The following PCDH15 variants were observed in gnomAD, a reference collection of about 807,000 sequenced individuals.
The protein encoded by PCDH15 is protocadherin-15.
A neutral mutation model predicts 178.5 loss-of-function variants in PCDH15; 129 were observed. The observed-to-expected ratio is 0.72, with a 90% confidence interval of 0.63 to 0.84. PCDH15 has a LOEUF of 0.84. PCDH15 is among the 40% of genes least tolerant of loss of function. The pLI is 0.00. For missense variants in PCDH15, 2,230 were observed against 2,099.9 expected (o/e 1.06, Z -1.21); for synonymous variants, 800 against 732.0 (o/e 1.09, Z -1.50).
chr10:55,555,277 G>A (rs1842068978), intron 2 of PCDH15, among the ~76,000 whole-genome samples: 1 of 151,954 alleles, frequency 6.6e-6, no homozygotes, highest in Non-Finnish European at 1.5e-5. Context: ...ATGAAAAAAT[G>A]GGCTCTTCAA....
At chr10:55,140,565 T>G (rs989708605) in intron 2 of PCDH15, among the ~76,000 whole-genome samples, 1 of 152,002 alleles carries the variant, frequency 6.6e-6, no homozygotes, top group African/African-American at 2.4e-5. Flanking sequence ...TAAGAAGTTT[T>G]ATTATTTTTT....
intron 1 of PCDH15, among the ~76,000 whole-genome samples, chr10:55,305,353 G>A (rs1843393708): frequency 6.6e-6 from 1 of 152,218 alleles, no homozygotes; most frequent in South Asian, 2.1e-4. Context: ...CAGAAGCAGA[G>A]ATGAAATGTT....
At chr10:53,922,162 C>A (rs936503146) in intron 25 of PCDH15, among the ~76,000 whole-genome samples, 5 of 152,078 alleles carry the variant, frequency 3.3e-5, no homozygotes, top group South Asian at 2.1e-4. Flanking sequence ...ATGTCACAAC[C>A]TACAATCCCT....
At chr10:55,238,145 C>CTTTTTTTTTTTTTTTT (rs758000610) in intron 1 of PCDH15, among the ~76,000 whole-genome samples, 1 of 124,460 alleles carries the variant, frequency 8.0e-6, no homozygotes, top group Non-Finnish European at 1.7e-5. Context: ...TTCATATTTT[C>CTTTTTTTTTTTTTTTT]TTTTTTTTTT....
intron 1 of PCDH15, among the ~76,000 whole-genome samples, chr10:54,714,266 A>G (rs1006169226): frequency 6.6e-6 from 1 of 152,092 alleles, no homozygotes. Context: ...GGTGTCTCTA[A>G]ACAGCTCCAC....
chr10:54,054,240 G>A (rs913915052), intron 18 of PCDH15, among the ~76,000 whole-genome samples: 44 of 152,152 alleles, frequency 2.9e-4, no homozygotes, highest in Admixed American at 1.1e-3. Context: ...TAAAGCTGTC[G>A]GCTTTAATGT....
chr10:54,826,252 G>C (rs1953130621), intron 3 of PCDH15, among the ~76,000 whole-genome samples: 1 of 151,864 alleles, frequency 6.6e-6, no homozygotes, highest in Non-Finnish European at 1.5e-5. Context: ...AATCCAATCA[G>C]TCTGTAGGTC....
At chr10:55,002,196 TA>T (rs1366917707) in intron 2 of PCDH15, among the ~76,000 whole-genome samples, 2 of 152,234 alleles carry the variant, frequency 1.3e-5, no homozygotes, top group African/African-American at 2.4e-5. Flanking sequence ...TTTCGCTGCA[TA>T]GTCTTAAAGT....
intron 20 of PCDH15, among the ~76,000 whole-genome samples, chr10:54,003,736 C>CAAAAAAAAA (rs55871741): frequency 1.3e-5 from 1 of 76,206 alleles, no homozygotes; most frequent in Non-Finnish European, 2.4e-5. Context: ...CAAACTATTC[C>CAAAAAAAAA]AAAAAAAAAA....
chr10:55,424,328 A>G (rs757809125), intron 2 of PCDH15, among the ~76,000 whole-genome samples: 10 of 152,076 alleles, frequency 6.6e-5, no homozygotes, highest in Non-Finnish European at 1.3e-4. Flanking sequence ...ATGAGACCCT[A>G]CTTGGCTTAT....
chr10:53,875,043 C>CA (rs969964409), intron 26 of PCDH15, among the ~76,000 whole-genome samples: 57 of 142,106 alleles, frequency 4.0e-4, no homozygotes, highest in East Asian at 8.1e-4. Context: ...TGAACAACCT[C>CA]AAAAAAAAAA....
intron 1 of PCDH15, among the ~76,000 whole-genome samples, chr10:55,175,676 AAAG>A (rs1245543731): frequency 5.3e-5 from 8 of 150,080 alleles, no homozygotes; most frequent in South Asian, 2.1e-4. Context: ...AAAAAAAAAA[AAAG>A]AAAAAGAAAA....
intron 23 of PCDH15, among the ~76,000 whole-genome samples, chr10:53,945,675 T>G (rs943271270): frequency 1.3e-5 from 2 of 151,674 alleles, no homozygotes; most frequent in Non-Finnish European, 2.9e-5. Context: ...GAACATGCAG[T>G]TTTTTTCTCT....
intron 28 of PCDH15, among the ~76,000 whole-genome samples, chr10:53,841,537 A>G (rs1425749175): frequency 6.6e-6 from 1 of 152,220 alleles, no homozygotes; most frequent in Admixed American, 6.5e-5. Flanking sequence ...TTATTAGAAC[A>G]ATGAGGTTAC....
intron 2 of PCDH15, among the ~76,000 whole-genome samples, chr10:54,583,714 T>G (rs2133828545): frequency 6.6e-6 from 1 of 152,268 alleles, no homozygotes; most frequent in East Asian, 1.9e-4. Flanking sequence ...AAACCTCATT[T>G]ACAAGTCTTA....
chr10:55,387,240 T>A (rs1260139679), intron 2 of PCDH15, among the ~76,000 whole-genome samples: 1 of 152,040 alleles, frequency 6.6e-6, no homozygotes, highest in Non-Finnish European at 1.5e-5. Flanking sequence ...TGGTTTTAAA[T>A]CACATTCCAG....
At chr10:55,050,722 T>A (rs1841141342) in intron 2 of PCDH15, among the ~76,000 whole-genome samples, 2 of 152,078 alleles carry the variant, frequency 1.3e-5, no homozygotes, top group South Asian at 4.1e-4. Context: ...CTTTTATATA[T>A]TGCCAAAAGG....
At chr10:54,862,164 A>T (rs546375510) in intron 3 of PCDH15, among the ~76,000 whole-genome samples, 5 of 152,204 alleles carry the variant, frequency 3.3e-5, no homozygotes, top group Non-Finnish European at 5.9e-5. Context: ...TTTTGTAGGA[A>T]TATAAGATTT....
At chr10:53,824,698 T>C (rs2076555800) in intron 32 of PCDH15, among the ~76,000 whole-genome samples, 2 of 152,136 alleles carry the variant, frequency 1.3e-5, no homozygotes, top group African/African-American at 4.8e-5. Flanking sequence ...CAACTGGGAT[T>C]GATATTATAT....
Sources: allele counts gnomAD v4.1 joint callset (sites outside exome capture counted in the v4.1 genomes callset), GRCh38; gene constraint gnomAD v4.1.1; transcripts MANE v1.5; gene names NCBI Gene and HGNC (gene_info 2026-07-23, HGNC 2026-07-21).